RIMS1: variants seen among roughly 807,000 people sequenced by gnomAD.
The protein encoded by RIMS1 is regulating synaptic membrane exocytosis protein 1.
Under a neutral mutation model 214.1 loss-of-function variants are expected in RIMS1, and 83 were observed. That is an observed-to-expected ratio of 0.39 (90% CI 0.32 to 0.47). The LOEUF is 0.47. Ranked by LOEUF, RIMS1 falls within the 20% of genes least tolerant of loss-of-function variation. The probability of loss-of-function intolerance (pLI) is 0.99; values close to 1 mark genes in which losing one functional copy is unlikely to be tolerated. For synonymous variants in RIMS1, 793 were observed against 786.8 expected (o/e 1.01, Z -0.13); for missense variants, 2,050 against 2,161.8 (o/e 0.95, Z 1.03).
intron 2 of RIMS1, among the ~76,000 whole-genome samples, chr6:72,075,711 G>A (rs1350994243): frequency 2.0e-5 from 3 of 152,124 alleles, no homozygotes; most frequent in African/African-American, 7.2e-5. Context: ...TCCCTTCTGT[G>A]GGTCTCTAAA....
chr6:72,331,613 A>G (rs933420291), intron 28 of RIMS1, among the ~76,000 whole-genome samples: 6 of 151,902 alleles, frequency 3.9e-5, no homozygotes, highest in African/African-American at 1.4e-4. Context: ...GTTGGTGAAG[A>G]CACAGAAGAA....
intron 2 of RIMS1, among the ~76,000 whole-genome samples, chr6:72,016,917 A>G (rs894599797): frequency 1.3e-5 from 2 of 152,342 alleles, no homozygotes; most frequent in African/African-American, 2.4e-5. Flanking sequence ...GGACCCTGGC[A>G]ATTCTTATAC....
chr6:72,217,108 T>C, intron 6 of RIMS1: 1 of 1,526,296 alleles, frequency 6.6e-7, no homozygotes, highest in Non-Finnish European at 8.8e-7. Flanking sequence ...TTAATTGTGT[T>C]GTGCATTTGC....
chr6:72,327,265 A>G (rs1399918068), intron 28 of RIMS1, among the ~76,000 whole-genome samples: 1 of 151,808 alleles, frequency 6.6e-6, no homozygotes, highest in Non-Finnish European at 1.5e-5. Flanking sequence ...ACCAAATCAT[A>G]TGTGTAATTT....
chr6:72,261,391 C>T, intron 19 of RIMS1: 1 of 985,722 alleles, frequency 1.0e-6, no homozygotes. Context: ...AGTATGAATG[C>T]CTCTTTAGAA....
At chr6:72,301,156 A>G (rs574769628) in intron 26 of RIMS1, among the ~76,000 whole-genome samples, 1 of 151,748 alleles carries the variant, frequency 6.6e-6, no homozygotes, top group African/African-American at 2.4e-5. Flanking sequence ...ATATTACTGT[A>G]GCATAATCCT....
intron 4 of RIMS1, among the ~76,000 whole-genome samples, chr6:72,155,518 A>G (rs1453622579): frequency 7.1e-6 from 1 of 140,688 alleles, no homozygotes; most frequent in Admixed American, 7.3e-5. Context: ...ATAAAAACAT[A>G]CCCAAGACTG....
intron 2 of RIMS1, among the ~76,000 whole-genome samples, chr6:72,089,092 G>A (rs964537235): frequency 1.3e-5 from 2 of 152,152 alleles, no homozygotes; most frequent in African/African-American, 4.8e-5. Flanking sequence ...GATTGTAGCT[G>A]AAGTGGAAGA....
At chr6:72,254,914 T>C (rs1166082273) in intron 16 of RIMS1, among the ~76,000 whole-genome samples, 1 of 152,206 alleles carries the variant, frequency 6.6e-6, no homozygotes, top group East Asian at 1.9e-4. Context: ...TTTCAAATAA[T>C]ATTGTTCATT....
rs549338173 is a variant in RIMS1, at chr6:71,900,987, C to T, written c.164+13800C>T. 8.6e-5 allele frequency among the ~76,000 whole-genome samples: 13 copies of T among 151,998 alleles called. No individual in the cohort carries two copies. The South Asian group carries it at 2.7e-3, about 32-fold the overall frequency. ...TGCAAAAGCATTAAAGAAGAAATGG[C>T]CAGAGATATAGGATAAAAACCAGGA... On this transcript the variant is annotated intron_variant, in intron 1 of 33. Coordinates refer to ENST00000521978, the MANE Select transcript of RIMS1 (RefSeq NM_014989.7).
intron 4 of RIMS1, among the ~76,000 whole-genome samples, chr6:72,159,385 G>A (rs1360404843): frequency 7.1e-6 from 1 of 140,364 alleles, no homozygotes; most frequent in African/African-American, 2.5e-5. Context: ...CTGTGCAGAA[G>A]CTCTTTAGTT....
chr6:72,303,591 A>G (rs537646096), intron 26 of RIMS1, among the ~76,000 whole-genome samples: 4 of 151,346 alleles, frequency 2.6e-5, no homozygotes, highest in Non-Finnish European at 5.9e-5. Flanking sequence ...TTTCACAGAT[A>G]TGGTTTTCAT....
Position 71,886,878 on chromosome 6 carries a change from T to C in RIMS1, c.-146T>C. ...TCGCTCTCCCCGGCTCTGCTGCTGC[T>C]GCTGCTGCCGCCGCCGCCGCTGCTC... On this transcript the variant is annotated 5_prime_UTR_variant, in exon 1 of 34. Coordinates refer to ENST00000521978, the MANE Select transcript of RIMS1 (RefSeq NM_014989.7). 1.2e-6 allele frequency: 1 copy of C among 821,490 alleles called. No homozygotes were observed. The highest frequency in any genetic ancestry group is 2.6e-5 in the East Asian group (1 of 37,762). The allele number at this position is 821,490 out of a possible 1,614,324, so 50.9% of individuals were successfully genotyped here.
intron 2 of RIMS1, among the ~76,000 whole-genome samples, chr6:71,984,780 T>TGTATGTA (rs1562029383): frequency 2.9e-4 from 17 of 59,392 alleles, no homozygotes; most frequent in Non-Finnish European, 4.8e-4. Context: ...TACATATCTA[T>TGTATGTA]CTATCTATCT....
chr6:71,983,233 A>G (rs1330708524), intron 2 of RIMS1, among the ~76,000 whole-genome samples: 1 of 151,960 alleles, frequency 6.6e-6, no homozygotes, highest in East Asian at 1.9e-4. Flanking sequence ...TATGAGCTCT[A>G]TTTTAGTTCT....
intron 2 of RIMS1, among the ~76,000 whole-genome samples, chr6:72,070,617 G>A (rs1226746625): frequency 1.3e-5 from 2 of 152,108 alleles, no homozygotes; most frequent in Non-Finnish European, 2.9e-5. Context: ...TGTGCTGTAC[G>A]TAAGAGACGT....
At chr6:72,227,638 A>G (rs1051946816) in intron 6 of RIMS1, among the ~76,000 whole-genome samples, 6 of 151,960 alleles carry the variant, frequency 3.9e-5, no homozygotes, top group African/African-American at 1.4e-4. Context: ...TGGACCAGCT[A>G]CTGAGTTTCC....
chr6:72,028,655 G>A (rs774539503), intron 2 of RIMS1, among the ~76,000 whole-genome samples: 3 of 152,120 alleles, frequency 2.0e-5, no homozygotes, highest in Non-Finnish European at 4.4e-5. Context: ...ACGAAAGCAT[G>A]GATGTCTTTC....
At chr6:72,296,824 T>C (rs2094137610) in intron 26 of RIMS1, among the ~76,000 whole-genome samples, 1 of 151,936 alleles carries the variant, frequency 6.6e-6, no homozygotes, top group South Asian at 2.1e-4. Flanking sequence ...ATTCCTATTT[T>C]AGGAATAAGG....
Sources: allele counts gnomAD v4.1 joint callset (sites outside exome capture counted in the v4.1 genomes callset), GRCh38; gene constraint gnomAD v4.1.1; transcripts MANE v1.5; gene names NCBI Gene and HGNC (gene_info 2026-07-23, HGNC 2026-07-21).